Variants in CSMD3 observed in about 807,000 individuals in gnomAD.
CSMD3 encodes CUB and Sushi multiple domains 3, also known as CUB and sushi domain-containing protein 3.
CSMD3 carries 177 observed loss-of-function variants against 435.2 expected under a neutral mutation model. That is an observed-to-expected ratio of 0.41 (90% CI 0.36 to 0.46). The LOEUF (loss-of-function observed/expected upper bound fraction) is 0.46. Among genes scored for constraint, CSMD3 ranks in the 20% least tolerant of loss-of-function variants. The pLI is 0.34. For missense variants in CSMD3, 4,265 were observed against 4,504.6 expected (o/e 0.95, Z 1.52); for synonymous variants, 1,656 against 1,520.5 (o/e 1.09, Z -2.07).
intron 21 of CSMD3, among the ~76,000 whole-genome samples, 187 bp from the exon 22 acceptor site, chr8:112,637,192 A>C (rs558670940): frequency 6.6e-6 from 1 of 152,310 alleles, no homozygotes; most frequent in African/African-American, 2.4e-5. Flanking sequence ...AATAGCTAAT[A>C]ACTTGATAAA....
At chr8:112,480,433 C>T (rs910902651) in intron 31 of CSMD3, among the ~76,000 whole-genome samples, 2 of 152,010 alleles carry the variant, frequency 1.3e-5, no homozygotes. Context: ...GGGCCAGGGG[C>T]AGAATGATAG....
chr8:112,785,107 C>T (rs1363913519), intron 13 of CSMD3, among the ~76,000 whole-genome samples: 1 of 151,940 alleles, frequency 6.6e-6, no homozygotes, highest in East Asian at 1.9e-4. Context: ...GATGGTTCAA[C>T]ATCTGCATAC....
intron 31 of CSMD3, among the ~76,000 whole-genome samples, chr8:112,481,833 A>C (rs1176989306): frequency 2.0e-5 from 3 of 152,118 alleles, no homozygotes; most frequent in African/African-American, 7.2e-5. Context: ...TTGTTCAAAA[A>C]TTTGATCTTA....
chr8:112,590,303 C>T (rs2131366191), intron 22 of CSMD3, among the ~76,000 whole-genome samples: 1 of 152,166 alleles, frequency 6.6e-6, no homozygotes, highest in East Asian at 1.9e-4. Context: ...GAGCCCTGAC[C>T]TGTCCTGAAT....
intron 6 of CSMD3, among the ~76,000 whole-genome samples, chr8:112,982,394 C>T (rs910324732): frequency 2.0e-5 from 3 of 151,788 alleles, no homozygotes; most frequent in Non-Finnish European, 2.9e-5. Context: ...GAATAGGATG[C>T]CCCTCTACAT....
intron 10 of CSMD3, among the ~76,000 whole-genome samples, chr8:112,866,952 A>G (rs2081001669): frequency 6.6e-6 from 1 of 152,184 alleles, no homozygotes. Flanking sequence ...GCAAGTCAGG[A>G]TAGCCCAGAC....
intron 59 of CSMD3, among the ~76,000 whole-genome samples, chr8:112,272,965 T>G (rs1187049084): frequency 6.6e-6 from 1 of 152,170 alleles, no homozygotes; most frequent in Non-Finnish European, 1.5e-5. Context: ...AGCTTTTAGT[T>G]TAATAGCAAT....
At chr8:112,831,613 T>C (rs2079878300) in intron 11 of CSMD3, among the ~76,000 whole-genome samples, 1 of 151,912 alleles carries the variant, frequency 6.6e-6, no homozygotes, top group Admixed American at 6.6e-5. Context: ...TCTTTTTATA[T>C]GTTTATATAT....
At chr8:113,026,095 T>A (rs951579899) in intron 5 of CSMD3, among the ~76,000 whole-genome samples, 1 of 152,192 alleles carries the variant, frequency 6.6e-6, no homozygotes, top group Admixed American at 6.5e-5. Context: ...TGCAGCCATG[T>A]TAACTCCAGG....
intron 21 of CSMD3, among the ~76,000 whole-genome samples, chr8:112,637,279 C>A (rs919354034): frequency 3.3e-5 from 5 of 151,980 alleles, no homozygotes; most frequent in African/African-American, 1.2e-4. Context: ...AGCTATTTAT[C>A]TTATTGTTTT....
At chr8:112,578,330 T>G (rs993019188) in intron 23 of CSMD3, among the ~76,000 whole-genome samples, 8 of 151,914 alleles carry the variant, frequency 5.3e-5, no homozygotes, top group Non-Finnish European at 1.2e-4. Flanking sequence ...GGGCATTCGG[T>G]TTTTTGTTAT....
intron 23 of CSMD3, among the ~76,000 whole-genome samples, chr8:112,577,668 C>A (rs1276995520): frequency 6.6e-6 from 1 of 151,994 alleles, no homozygotes; most frequent in Admixed American, 6.6e-5. Flanking sequence ...TACACCAGAA[C>A]AAACTAAAAC....
intron 22 of CSMD3, among the ~76,000 whole-genome samples, chr8:112,597,345 T>C (rs1242408057): frequency 6.6e-6 from 1 of 151,228 alleles, no homozygotes. Flanking sequence ...AATAGACCAA[T>C]AACAGGAGCT....
intron 4 of CSMD3, among the ~76,000 whole-genome samples, chr8:113,133,745 G>A (rs2091344587): frequency 2.0e-5 from 3 of 152,044 alleles, no homozygotes; most frequent in African/African-American, 7.2e-5. Flanking sequence ...GAATATTATT[G>A]TCTTAAAAGG....
Position 112,306,135 on chromosome 8 carries a change from T to G in CSMD3, c.7943A>C (p.Tyr2648Ser), listed in dbSNP as rs1266631360. The G allele has an allele frequency of 6.2e-7, 1 of 1,613,388 alleles. No homozygotes were observed. The highest frequency in any genetic ancestry group is 1.1e-5 in the South Asian group (1 of 91,072). Residue 2648 changes from tyrosine to serine, a missense_variant, in exon 51 of 71, where the codon TAT becomes TCT. Transcript: ENST00000297405. ...PTNGGILTTD[Y>S]LVGTRVTYFC... ...ATAGGTAACTCGCGTTCCTACCAAA[T>G]AGTCTGTTGTTAGTATTCCTCCATT...
intron 1 of CSMD3, among the ~76,000 whole-genome samples, chr8:113,345,313 T>C (rs760706259): frequency 1.4e-4 from 21 of 152,150 alleles, no homozygotes; most frequent in Non-Finnish European, 2.6e-4. Context: ...CTTTTTATGT[T>C]AGCTAACCAA....
intron 4 of CSMD3, among the ~76,000 whole-genome samples, chr8:113,115,077 A>G (rs1231589027): frequency 1.3e-5 from 2 of 152,186 alleles, no homozygotes; most frequent in African/African-American, 2.4e-5. Flanking sequence ...GGACGTTTTA[A>G]CAAGCCTTCC....
At chr8:113,288,077 T>C (rs1304356083) in intron 2 of CSMD3, among the ~76,000 whole-genome samples, 1 of 151,898 alleles carries the variant, frequency 6.6e-6, no homozygotes, top group Non-Finnish European at 1.5e-5. Context: ...AGTGTTCCTT[T>C]GATTTCTAGC....
Position 112,527,176 on chromosome 8 carries a change from T to TA in CSMD3, c.4565-9952dup, listed in dbSNP as rs769357054. Among the ~76,000 whole-genome samples the TA allele has an allele frequency of 5.3e-4, 81 of 151,834 alleles. 1 individual carries two copies. Among genetic ancestry groups the TA allele is most frequent in the Non-Finnish European group, 9.4e-4 (64 of 67,780 alleles). ...CTAAGGGAGAGAGATTTTCAAACAA[T>TA]AAAAAATCAAGATGCAACCATAAGC... On this transcript the variant is annotated intron_variant, in intron 27 of 70. Transcript: ENST00000297405.
Sources: allele counts gnomAD v4.1 joint callset (sites outside exome capture counted in the v4.1 genomes callset), GRCh38; gene constraint gnomAD v4.1.1; transcripts MANE v1.5; gene names NCBI Gene and HGNC (gene_info 2026-07-23, HGNC 2026-07-21).